The following FURIN variants were observed in gnomAD, a reference collection of about 807,000 sequenced individuals.
The protein encoded by FURIN is furin, paired basic amino acid cleaving enzyme.
In FURIN, 18 loss-of-function variants were observed where a neutral mutation model predicts 89.2. The observed-to-expected ratio is 0.20, with a 90% CI of 0.14 to 0.30. The LOEUF (loss-of-function observed/expected upper bound fraction) is 0.30. Among genes scored for constraint, FURIN ranks in the 10% least tolerant of loss-of-function variants. The pLI is 1.00. For synonymous variants in FURIN, 508 were observed against 466.4 expected, an observed-to-expected ratio of 1.09 and a Z score of -1.15; for missense variants, 879 against 1,100.5, an observed-to-expected ratio of 0.80 and a Z score of 2.85.
At chr15:90,878,526 C>A (rs985471114) in intron 8 of FURIN, among the ~76,000 whole-genome samples, 1 of 152,188 alleles carries the variant, frequency 6.6e-6, no homozygotes, top group East Asian at 1.9e-4. Context: ...GCTGTGTTAC[C>A]CAGGCTGGTC....
At position 90,880,175 on chromosome 15, in the gene FURIN, C is replaced by T. The variant is rs376410361; in HGVS notation, c.1458C>T (p.His486=). 20 of 1,612,332 alleles carry T rather than the reference C, an allele frequency of 1.2e-5. No individual in the cohort carries two copies. Among genetic ancestry groups the T allele is most frequent in the South Asian group, 3.3e-5 (3 of 91,028 alleles). The change falls in exon 13 of 16, where the codon CAC becomes CAT. Residue 486 remains histidine, a synonymous_variant. Transcript: ENST00000268171. ...CCAACCACATCACTCGGCTGGAGCA[C>T]GCTCAGGCGCGGCTCACCCTGTCCT... ...GEPNHITRLE[H]AQARLTLSYN...
rs562202283 is a variant in FURIN, at chr15:90,876,042, A to C, written c.177+125A>C. On this transcript the variant is annotated intron_variant, in intron 2 of 15. Transcript: ENST00000268171. The surrounding 1 kb of genome is among the most constrained non-coding windows in gnomAD (Gnocchi z 5.0). ...GGTAGCCGGCATGTTCTGGGTGGCC[A>C]TGAGCAAAGCACAGGTGGTTCAGGC... 1 of 878,380 alleles carries C rather than the reference A, an allele frequency of 1.1e-6. No individual in the cohort carries two copies. Among genetic ancestry groups the C allele is most frequent in the East Asian group, 2.6e-5 (1 of 38,170 alleles). The allele number at this position is 878,380 out of a possible 1,614,324, so 54.4% of individuals were successfully genotyped here.
Position 90,878,250 on chromosome 15 carries a change from A to G in FURIN, c.786A>G (p.Thr262=), listed in dbSNP as rs2031744214. The G allele has an allele frequency of 1.2e-6, 2 of 1,612,814 alleles. No individual in the cohort carries two copies. The highest frequency in any genetic ancestry group is 1.7e-6 in the Non-Finnish European group (2 of 1,179,396). The change falls in exon 8 of 16, where the codon ACA becomes ACG. Residue 262 remains threonine (T), a synonymous_variant. Transcript: ENST00000268171. The stretch of plus-strand genomic sequence containing the variant: ...GGGGCCCCGAGGATGACGGCAAGAC[A>G]GTGGATGGGCCAGCCCGCCTCGCCG... ...ASWGPEDDGK[T]VDGPARLAEE... is the part of the protein sequence containing the mutation.
At position 90,878,007 on chromosome 15, in the gene FURIN, G is replaced by T. The variant is rs887868990; in HGVS notation, c.668-125G>T. 2.0e-5 allele frequency: 17 copies of T among 850,066 alleles called. No homozygotes were observed. The African/African-American group carries it at 2.9e-4, about 14-fold the overall frequency. The allele number at this position is 850,066 out of a possible 1,614,324, so 52.7% of individuals were successfully genotyped here. On this transcript the variant is annotated intron_variant, in intron 7 of 15. Transcript: ENST00000268171. Reference sequence around the variant, plus strand: ...GTAGTTGGGGGTTCAGGGTTTCTCAGCATCAGCCTCCACCCTTCCCTTACT... The same window carrying T: ...GTAGTTGGGGGTTCAGGGTTTCTCATCATCAGCCTCCACCCTTCCCTTACT...
intron 1 of FURIN, among the ~76,000 whole-genome samples, chr15:90,872,267 C>T (rs1035274814): frequency 2.0e-5 from 3 of 152,124 alleles, no homozygotes; most frequent in African/African-American, 4.8e-5. Flanking sequence ...CTGGCCGAGG[C>T]CCCTGTGCCC....
At position 90,876,038 on chromosome 15, in the gene FURIN, G is replaced by A; in HGVS notation, c.177+121G>A. 2.2e-6 allele frequency: 2 copies of A among 907,312 alleles called. No homozygotes were observed. The highest frequency in any genetic ancestry group is 3.3e-5 in the South Asian group (2 of 60,356). 56.2% of individuals were successfully genotyped at this position (907,312 alleles called of 1,614,324 possible). Reference sequence around the variant, plus strand: ...TCTGGGTAGCCGGCATGTTCTGGGTGGCCATGAGCAAAGCACAGGTGGTTC... The same window carrying A: ...TCTGGGTAGCCGGCATGTTCTGGGTAGCCATGAGCAAAGCACAGGTGGTTC... On this transcript the variant is annotated intron_variant, in intron 2 of 15. Coordinates refer to ENST00000268171, the MANE Select transcript of FURIN (RefSeq NM_002569.4). This position sits in a 1 kb window ranked among gnomAD's most constrained non-coding sequence, Gnocchi z 5.0.
chr15:90,871,273 T>C (rs2151218159), intron 1 of FURIN, among the ~76,000 whole-genome samples: 1 of 152,154 alleles, frequency 6.6e-6, no homozygotes, highest in South Asian at 2.1e-4. Flanking sequence ...TGGTTCCGAG[T>C]TCGGGTCTCC....
chr15:90,880,014 C>A (rs1470052825), intron 12 of FURIN, 30 bp downstream of exon 12: 1 of 1,604,720 alleles, frequency 6.2e-7, no homozygotes, highest in Non-Finnish European at 8.5e-7. Flanking sequence ...TGGGAGGGGG[C>A]CAGTGGGACC....
At position 90,880,965 on chromosome 15, in the gene FURIN, A is replaced by C. The variant is rs766795155; in HGVS notation, c.1717A>C (p.Thr573Pro). ...CAAGTTCACCCTCGTACTCTATGGCACCGCCCCTGAGGGGCTGCCCGTACC... is the reference window on the plus strand; with the variant it reads ...CAAGTTCACCCTCGTACTCTATGGCCCCGCCCCTGAGGGGCTGCCCGTACC... ...LTKFTLVLYG[T>P]APEGLPVPPE... The change falls in exon 15 of 16, where the codon ACC becomes CCC. Residue 573 changes from threonine (T) to proline (P), a missense_variant. Transcript: ENST00000268171. 1 of 1,613,966 alleles carries C rather than the reference A, an allele frequency of 6.2e-7. No homozygotes were observed. The highest frequency in any genetic ancestry group is 8.5e-7 in the Non-Finnish European group (1 of 1,179,952).
chr15:90,875,391 G>A (rs2031555728), intron 1 of FURIN, among the ~76,000 whole-genome samples, 191 bp from the exon 2 acceptor site: 1 of 152,142 alleles, frequency 6.6e-6, no homozygotes, highest in African/African-American at 2.4e-5. Flanking sequence ...GATTGTGAGG[G>A]CATCCATCTG....
rs1368782279 is a variant in FURIN, at chr15:90,875,837, A to G, written c.97A>G (p.Thr33Ala). 7.6e-6 allele frequency: 12 copies of G among 1,576,440 alleles called. No homozygotes were observed. Among genetic ancestry groups the G allele is most frequent in the Non-Finnish European group, 1.0e-5 (12 of 1,161,140 alleles). Residue 33 changes from threonine to alanine, a missense_variant, in exon 2 of 16, where the codon ACG becomes GCG. Thr to Ala is a moderately conservative substitution (Grantham distance 58, BLOSUM62 0). Around this residue, in one of 5 missense-constraint regions of FURIN, gnomAD observed 125 missense variants for 125.0 expected, o/e 1.00. Transcript: ENST00000268171. Reference sequence around the variant, plus strand: ...TCAGGGCCAGAAGGTCTTCACCAACACGTGGGCTGTGCGCATCCCTGGAGG... The same window carrying G: ...TCAGGGCCAGAAGGTCTTCACCAACGCGTGGGCTGTGCGCATCCCTGGAGG... ...DAQGQKVFTN[T>A]WAVRIPGGPA...
At chr15:90,878,062 T>C in intron 7 of FURIN, 70 bp from the exon 8 acceptor site, 2 of 1,506,212 alleles carry the variant, frequency 1.3e-6, no homozygotes, top group Non-Finnish European at 9.2e-7. Flanking sequence ...CTGGGTGTGC[T>C]CCTTGGGGTG....
Position 90,874,048 on chromosome 15 carries a change from A to G in FURIN, c.-159-1534A>G, listed in dbSNP as rs575803129. On this transcript the variant is annotated intron_variant, in intron 1 of 15. Coordinates refer to ENST00000268171, the MANE Select transcript of FURIN (RefSeq NM_002569.4). ...GGTATCCGGCAGAGTGGCCTTGGCTATGGAAGTGCTAAGGGCATCCAGGGC... is the reference window on the plus strand; with the variant it reads ...GGTATCCGGCAGAGTGGCCTTGGCTGTGGAAGTGCTAAGGGCATCCAGGGC... Among the ~76,000 whole-genome samples the G allele has an allele frequency of 1.2e-4, 19 of 152,228 alleles. No individual in the cohort carries two copies. The South Asian group carries it at 3.3e-3, about 27-fold the overall frequency.
chr15:90,876,369 GC>G lies in FURIN; in HGVS notation c.276+21del. The G allele has an allele frequency of 1.3e-6, 2 of 1,573,706 alleles. No individual in the cohort carries two copies. The highest frequency in any genetic ancestry group is 1.7e-6 in the Non-Finnish European group (2 of 1,143,684). On this transcript the variant is annotated intron_variant, in intron 3 of 15. Coordinates refer to ENST00000268171, the MANE Select transcript of FURIN (RefSeq NM_002569.4). The surrounding 1 kb of genome is among the most constrained non-coding windows in gnomAD (Gnocchi z 5.0). ...GGAGCCTCAAGTGAGTGTGGCCCCA[GC>G]CCCCTCCTGCTGCCACCCTCCCCCT...
chr15:90,875,854 C>G lies in FURIN; in HGVS notation c.114C>G (p.Ile38Met). 2 of 1,583,310 alleles carry G rather than the reference C, an allele frequency of 1.3e-6. No homozygotes were observed. The highest frequency in any genetic ancestry group is 1.7e-6 in the Non-Finnish European group (2 of 1,165,384). Residue 38 changes from isoleucine to methionine, a missense_variant, in exon 2 of 16, where the codon ATC becomes ATG. Physicochemically the swap from Ile to Met is conservative, Grantham distance 10. Coordinates refer to ENST00000268171, the MANE Select transcript of FURIN (RefSeq NM_002569.4). The stretch of plus-strand genomic sequence containing the variant: ...TCACCAACACGTGGGCTGTGCGCAT[C>G]CCTGGAGGCCCAGCGGTGGCCAACA... ...KVFTNTWAVRIPGGPAVANSV... is the reference protein window; with the variant it reads ...KVFTNTWAVRMPGGPAVANSV...
At position 90,881,365 on chromosome 15, in the gene FURIN, T is replaced by C. The variant is rs756811272; in HGVS notation, c.1872T>C (p.Asp624=). The change falls in exon 16 of 16, where the codon GAT becomes GAC. Residue 624 remains aspartate (D), a synonymous_variant. Transcript: ENST00000268171. This position sits in a 1 kb window ranked among gnomAD's most constrained non-coding sequence, Gnocchi z 4.3. ...CAGGGTTCGCCCCCCAAGTCCTCGATACGCACTATAGCACCGAGAATGACG... is the reference window on the plus strand; with the variant it reads ...CAGGGTTCGCCCCCCAAGTCCTCGACACGCACTATAGCACCGAGAATGACG... ...CPPGFAPQVL[D]THYSTENDVE... The C allele has an allele frequency of 3.2e-5, 51 of 1,612,934 alleles. No homozygotes were observed. The highest frequency in any genetic ancestry group is 4.2e-5 in the Non-Finnish European group (50 of 1,179,934).
chr15:90,881,842 G>A lies in FURIN; in HGVS notation c.2349G>A (p.Glu783=), dbSNP rs770269025. The A allele has an allele frequency of 6.2e-7, 1 of 1,613,060 alleles. No individual in the cohort carries two copies. The highest frequency in any genetic ancestry group is 1.7e-5 in the Admixed American group (1 of 59,994). Residue 783 remains glutamate, a synonymous_variant, in exon 16 of 16, where the codon GAG becomes GAA. Transcript: ENST00000268171. The surrounding 1 kb of genome is among the most constrained non-coding windows in gnomAD (Gnocchi z 4.3). ...CAGAAGAGGACGAGGGCCGGGGCGA[G>A]AGGACCGCCTTTATCAAAGACCAGA... The part of the protein sequence containing the change: ...SDSEEDEGRG[E]RTAFIKDQSA...
At position 90,868,686 on chromosome 15, in the gene FURIN, C is replaced by T. The variant is rs1004739085; in HGVS notation, c.-185C>T. On this transcript the variant is annotated 5_prime_UTR_variant, in exon 1 of 16. Transcript: ENST00000268171. ...AAGCAGCAGCGGCCAGGATGAATCCCAGGTGCTCTGGAGCTGGATGGTGAA... is the reference window on the plus strand; with the variant it reads ...AAGCAGCAGCGGCCAGGATGAATCCTAGGTGCTCTGGAGCTGGATGGTGAA... 1.3e-5 allele frequency: 2 copies of T among 152,216 alleles called. No individual in the cohort carries two copies. Among genetic ancestry groups the T allele is most frequent in the Non-Finnish European group, 1.5e-5 (1 of 68,060 alleles). 9.4% of individuals were successfully genotyped at this position (152,216 alleles called of 1,614,324 possible). A position where few individuals can be genotyped will look rare whatever the true frequency, so the allele number is the denominator to read the frequency against.
chr15:90,881,743 C>T lies in FURIN; in HGVS notation c.2250C>T (p.Tyr750=), dbSNP rs1567085740. The T allele has an allele frequency of 6.2e-7, 1 of 1,609,112 alleles. No homozygotes were observed. Among genetic ancestry groups the T allele is most frequent in the South Asian group, 1.1e-5 (1 of 90,434 alleles). Residue 750 remains tyrosine (Y), a synonymous_variant, in exon 16 of 16, where the codon TAC becomes TAT. Coordinates refer to ENST00000268171, the MANE Select transcript of FURIN (RefSeq NM_002569.4). This position sits in a 1 kb window ranked among gnomAD's most constrained non-coding sequence, Gnocchi z 4.3. The part of the protein sequence containing the change: ...SGFSFRGVKV[Y]TMDRGLISYK... ...TTAGTTTTCGGGGGGTGAAGGTGTACACCATGGACCGTGGCCTCATCTCCT... is the reference window on the plus strand; with the variant it reads ...TTAGTTTTCGGGGGGTGAAGGTGTATACCATGGACCGTGGCCTCATCTCCT...
Sources: gnomAD v4.1 joint callset for allele counts (sites outside exome capture counted in the v4.1 genomes callset) on GRCh38, gnomAD v4.1.1 for gene constraint, gnomAD v4.1.1 regional missense constraint, Gnocchi (gnomAD v3.1) non-coding constraint, MANE v1.5 for transcripts, NCBI Gene and HGNC (gene_info 2026-07-23, HGNC 2026-07-21) for gene names.